The following AKAP7 variants were observed in gnomAD, a reference collection of about 807,000 sequenced individuals.
AKAP7 encodes A-kinase anchoring protein 7.
A neutral mutation model predicts 39.5 loss-of-function variants in AKAP7; 39 were observed. The ratio of observed to expected loss-of-function variants is 0.99; its 90% confidence interval spans 0.76 to 1.29. The LOEUF (loss-of-function observed/expected upper bound fraction) is 1.29, where lower values mean the gene tolerates loss of function less well. Ranked by LOEUF, AKAP7 falls within the 50% of genes most tolerant of loss-of-function variation. The pLI is 0.00. For synonymous variants in AKAP7, 140 were observed against 139.1 expected (o/e 1.01, Z -0.05); for missense variants, 414 against 407.7 (o/e 1.02, Z -0.13).
upstream of AKAP7, among the ~76,000 whole-genome samples, chr6:131,131,643 C>A (rs988994827): frequency 6.6e-6 from 1 of 152,056 alleles, no homozygotes. Context: ...TCTTTGCCTT[C>A]TAGTGGCGTA....
the AKAP7 span, among the ~76,000 whole-genome samples, chr6:131,127,624 G>T: frequency 0.45 from 68,359 of 151,928 alleles, 16,994 homozygotes; most frequent in Non-Finnish European, 0.56. Context: ...TTCTATATAC[G>T]AATTAAAATA....
chr6:131,236,238 T>G (rs373917003), intron 7 of AKAP7, among the ~76,000 whole-genome samples: 3 of 152,058 alleles, frequency 2.0e-5, no homozygotes, highest in South Asian at 4.1e-4. Context: ...TATTTCTGAG[T>G]GCTCTGTTCT....
At chr6:131,159,973 C>T (rs1802793955) in intron 2 of AKAP7, 86 bp from the exon 3 acceptor site, 1 of 1,200,092 alleles carries the variant, frequency 8.3e-7, no homozygotes, top group South Asian at 1.7e-5. Context: ...TGAATGATTG[C>T]TACTTATATA....
intron 2 of AKAP7, among the ~76,000 whole-genome samples, chr6:131,157,624 C>T (rs944753722): frequency 1.1e-4 from 17 of 152,188 alleles, no homozygotes; most frequent in African/African-American, 3.9e-4. Context: ...AAAACTCTTA[C>T]GTAAGAAATA....
the AKAP7 span, among the ~76,000 whole-genome samples, chr6:131,128,644 G>A: frequency 6.6e-6 from 1 of 151,988 alleles, no homozygotes; most frequent in Non-Finnish European, 1.5e-5. Flanking sequence ...CTAACATGGC[G>A]AAACCCCATC....
intron 5 of AKAP7, among the ~76,000 whole-genome samples, chr6:131,196,472 C>T (rs1260298224): frequency 6.6e-6 from 1 of 152,032 alleles, no homozygotes; most frequent in Non-Finnish European, 1.5e-5. Flanking sequence ...CCATGTTGGC[C>T]AGGCTGGTCT....
chr6:131,264,663 G>A (rs1422335566), intron 7 of AKAP7, among the ~76,000 whole-genome samples: 4 of 152,140 alleles, frequency 2.6e-5, no homozygotes, highest in African/African-American at 4.8e-5. Flanking sequence ...AGCTATGTTA[G>A]GCCATTTTTG....
intron 7 of AKAP7, among the ~76,000 whole-genome samples, chr6:131,259,804 AATTTT>A (rs879943492): frequency 4.3e-4 from 65 of 152,180 alleles, no homozygotes; most frequent in African/African-American, 1.5e-3. Flanking sequence ...AATTTTTTTA[AATTTT>A]ATTTTAAGTT....
chr6:131,152,187 C>T (rs1350168497), intron 2 of AKAP7, among the ~76,000 whole-genome samples: 1 of 152,178 alleles, frequency 6.6e-6, no homozygotes, highest in African/African-American at 2.4e-5. Flanking sequence ...GGTTTATGAG[C>T]TGTACTCCAA....
At chr6:131,220,250 A>AGGCCT (rs1809580179) in intron 7 of AKAP7, among the ~76,000 whole-genome samples, 2 of 152,204 alleles carry the variant, frequency 1.3e-5, no homozygotes, top group Admixed American at 6.5e-5. Context: ...GCAAAAATTG[A>AGGCCT]AAACTTCACT....
At chr6:131,130,305 T>C in the AKAP7 span, among the ~76,000 whole-genome samples, 1 of 152,170 alleles carries the variant, frequency 6.6e-6, no homozygotes, top group Admixed American at 6.5e-5. Flanking sequence ...GAGAAGTTGT[T>C]CTTTTCTCTT....
chr6:131,153,564 T>C (rs1031494407), intron 2 of AKAP7, among the ~76,000 whole-genome samples: 1 of 152,034 alleles, frequency 6.6e-6, no homozygotes, highest in Non-Finnish European at 1.5e-5. Context: ...ATTTATAGGA[T>C]GTTTGAAATG....
At chr6:131,151,785 A>C (rs1248097834) in intron 2 of AKAP7, among the ~76,000 whole-genome samples, 1 of 152,212 alleles carries the variant, frequency 6.6e-6, no homozygotes, top group Admixed American at 6.5e-5. Context: ...ATAGTGTTCT[A>C]AGTCAATAGC....
chr6:131,266,148 G>A (rs750518665), intron 7 of AKAP7, among the ~76,000 whole-genome samples: 5 of 152,106 alleles, frequency 3.3e-5, no homozygotes, highest in African/African-American at 4.8e-5. Context: ...CATTGTAGAG[G>A]ACAAGACTGG....
intron 2 of AKAP7, among the ~76,000 whole-genome samples, chr6:131,154,860 A>ATG (rs1158658217): frequency 1.3e-5 from 2 of 151,966 alleles, no homozygotes; most frequent in African/African-American, 2.4e-5. Context: ...CCTTTTGGGT[A>ATG]TGTGTATGTG....
At chr6:131,141,338 C>T (rs568673757) in intron 1 of AKAP7, among the ~76,000 whole-genome samples, 2 of 152,178 alleles carry the variant, frequency 1.3e-5, no homozygotes, top group Non-Finnish European at 2.9e-5. Flanking sequence ...CACCATGTAA[C>T]ACATTGGCTT....
chr6:131,203,685 C>T (rs1304452803), intron 6 of AKAP7, among the ~76,000 whole-genome samples: 1 of 152,146 alleles, frequency 6.6e-6, no homozygotes, highest in African/African-American at 2.4e-5. Flanking sequence ...TAGATCCTTC[C>T]AGACCTTTTC....
upstream of AKAP7, among the ~76,000 whole-genome samples, chr6:131,132,561 G>C (rs1370506277): frequency 6.6e-6 from 1 of 151,928 alleles, no homozygotes; most frequent in Non-Finnish European, 1.5e-5. Flanking sequence ...GGATTGGAAG[G>C]GTTTAGTTTT....
chr6:131,133,265 G>T (rs1214346808), upstream of AKAP7, among the ~76,000 whole-genome samples: 2 of 152,056 alleles, frequency 1.3e-5, no homozygotes, highest in East Asian at 3.8e-4. Flanking sequence ...ATTATTATGG[G>T]TATATAGATT....
Sources: allele counts gnomAD v4.1 joint callset (sites outside exome capture counted in the v4.1 genomes callset), GRCh38; gene constraint gnomAD v4.1.1; transcripts MANE v1.5; gene names NCBI Gene and HGNC (gene_info 2026-07-23, HGNC 2026-07-21).